Variants in DCAF6 observed in about 807,000 individuals in gnomAD.
DCAF6 encodes the protein DDB1- and CUL4-associated factor 6.
In DCAF6, 54 loss-of-function variants were observed where a neutral mutation model predicts 125.1. That is an observed-to-expected ratio of 0.43 (90% CI 0.35 to 0.54). The LOEUF (loss-of-function observed/expected upper bound fraction) is 0.54. DCAF6 is among the 20% of genes least tolerant of loss of function. DCAF6 has a pLI of 0.01. For synonymous variants in DCAF6, 371 were observed against 390.4 expected, an observed-to-expected ratio of 0.95 and a Z score of 0.58; for missense variants, 934 against 1,161.7, an observed-to-expected ratio of 0.80 and a Z score of 2.85.
the DCAF6 span, chr1:167,896,631 T>C: frequency 1.2e-6 from 2 of 1,613,692 alleles, no homozygotes; most frequent in African/African-American, 1.3e-5. Flanking sequence ...TGCATGAAGG[T>C]CGTACACTTT....
chr1:168,032,295 ATC>A (rs1687205258), intron 12 of DCAF6, among the ~76,000 whole-genome samples: 1 of 152,262 alleles, frequency 6.6e-6, no homozygotes, highest in Non-Finnish European at 1.5e-5. Context: ...CCTCACAGTT[ATC>A]TGTAGGGTAG....
At chr1:167,969,832 A>G (rs1677021687) in intron 3 of DCAF6, among the ~76,000 whole-genome samples, 3 of 152,196 alleles carry the variant, frequency 2.0e-5, no homozygotes, top group Admixed American at 2.0e-4. Flanking sequence ...GCTGGAGTGC[A>G]GTGGCACGAT....
chr1:167,910,264 A>G, the DCAF6 span, among the ~76,000 whole-genome samples: 1 of 152,184 alleles, frequency 6.6e-6, no homozygotes, highest in Non-Finnish European at 1.5e-5. Context: ...AGCTATTTGG[A>G]TGCAATGCAA....
At chr1:167,902,719 C>G in the DCAF6 span, among the ~76,000 whole-genome samples, 1 of 152,152 alleles carries the variant, frequency 6.6e-6, no homozygotes, top group Non-Finnish European at 1.5e-5. Flanking sequence ...TGATAAAACA[C>G]TAGGCCAGGA....
At chr1:167,880,599 A>G in the DCAF6 span, 1 of 1,612,954 alleles carries the variant, frequency 6.2e-7, no homozygotes, top group Non-Finnish European at 8.5e-7. Context: ...GACACAGAGG[A>G]AAGAGCAGCC....
the DCAF6 span, among the ~76,000 whole-genome samples, chr1:167,878,837 AG>A: frequency 6.6e-6 from 1 of 152,194 alleles, no homozygotes; most frequent in African/African-American, 2.4e-5. Flanking sequence ...CCATTAGCAA[AG>A]TTTCTGCCTC....
intron 7 of DCAF6, among the ~76,000 whole-genome samples, chr1:168,001,350 A>G (rs1380696366): frequency 6.6e-6 from 1 of 152,218 alleles, no homozygotes; most frequent in Non-Finnish European, 1.5e-5. Flanking sequence ...GATAGGTGCC[A>G]TAAACATGTC....
chr1:167,925,536 TTTTTTTTTGG>T, the DCAF6 span, among the ~76,000 whole-genome samples: 11 of 143,510 alleles, frequency 7.7e-5, no homozygotes, highest in Non-Finnish European at 1.5e-4. Context: ...TTTTTTTGGT[TTTTTTTTTGG>T]TTTTTTTTGT....
intron 18 of DCAF6, among the ~76,000 whole-genome samples, chr1:168,065,160 A>T (rs568698672): frequency 4.1e-4 from 63 of 152,326 alleles, no homozygotes; most frequent in Non-Finnish European, 4.3e-4. Context: ...TTAAGCACCT[A>T]TTGTATCCCA....
chr1:168,001,638 ATT>A (rs1317576061), intron 7 of DCAF6, among the ~76,000 whole-genome samples: 2 of 152,144 alleles, frequency 1.3e-5, no homozygotes, highest in Non-Finnish European at 2.9e-5. Context: ...AAGTTGAAAT[ATT>A]GTTTTTTTTC....
the DCAF6 span, chr1:167,924,546 AAAAAG>A: frequency 3.3e-6 from 5 of 1,527,038 alleles, no homozygotes; most frequent in Non-Finnish European, 4.4e-6. Flanking sequence ...ACCTGAAAAA[AAAAAG>A]AAAAGAAAAA....
In DCAF6 at chr1:168,044,524, C is replaced by T. The variant is rs993169077; in HGVS notation, c.1844-61C>T. The T allele has an allele frequency of 8.0e-6, 10 of 1,246,904 alleles. No individual in the cohort carries two copies. The African/African-American group carries it at 1.0e-4, about 13-fold the overall frequency. 77.2% of individuals were successfully genotyped at this position (1,246,904 alleles called of 1,614,324 possible). A position where few individuals can be genotyped will look rare whatever the true frequency, so the allele number is the denominator to read the frequency against. ...GAGCTGCAGATTTTGGTATTTTCAG[C>T]GATTTTAGAACTAATCCCTCATGGA... is the stretch of plus-strand genomic sequence containing the variant. On this transcript the variant is annotated intron_variant, in intron 14 of 21. Transcript: ENST00000367840.
chr1:167,903,255 CA>C, the DCAF6 span, among the ~76,000 whole-genome samples: 142 of 143,186 alleles, frequency 9.9e-4, 1 homozygote, highest in East Asian at 8.3e-3. Context: ...GACTCTGACT[CA>C]AAAAAAAAAA....
upstream of DCAF6, among the ~76,000 whole-genome samples, chr1:167,931,254 TCTGAG>T (rs1353885924): frequency 2.0e-5 from 3 of 152,326 alleles, no homozygotes; most frequent in East Asian, 1.9e-4. Flanking sequence ...TATGAATTCT[TCTGAG>T]AATACAAACT....
the DCAF6 span, among the ~76,000 whole-genome samples, chr1:167,866,530 C>CAAAAA: frequency 9.0e-6 from 1 of 110,782 alleles, no homozygotes; most frequent in African/African-American, 2.9e-5. Context: ...CTCTATGTGC[C>CAAAAA]AAAAAAAAAA....
At chr1:168,015,576 C>T (rs188382364) in intron 10 of DCAF6, among the ~76,000 whole-genome samples, 198 of 152,042 alleles carry the variant, frequency 1.3e-3, no homozygotes, top group Admixed American at 4.2e-3. Flanking sequence ...TCTAATTCAT[C>T]GTAGTTAAAT....
At chr1:168,002,765 A>C (rs1430579642) in intron 8 of DCAF6, among the ~76,000 whole-genome samples, 190 bp downstream of exon 8, 1 of 152,132 alleles carries the variant, frequency 6.6e-6, no homozygotes, top group East Asian at 1.9e-4. Flanking sequence ...AGTACCTTTT[A>C]ATTTTGGTAG....
the DCAF6 span, chr1:167,918,128 T>C: frequency 8.7e-6 from 4 of 462,310 alleles, no homozygotes; most frequent in South Asian, 4.2e-5. Context: ...CTAATATCCA[T>C]AGATAAGTTC....
At chr1:167,867,812 A>T in the DCAF6 span, among the ~76,000 whole-genome samples, 1 of 152,174 alleles carries the variant, frequency 6.6e-6, no homozygotes, top group African/African-American at 2.4e-5. Context: ...GGAAATAAGT[A>T]TATCTGCCAC....
Sources: gnomAD v4.1 joint callset for allele counts (sites outside exome capture counted in the v4.1 genomes callset) on GRCh38, gnomAD v4.1.1 for gene constraint, MANE v1.5 for transcripts, NCBI Gene and HGNC (gene_info 2026-07-23, HGNC 2026-07-21) for gene names.